Variants in TRIM65 observed in about 807,000 individuals in gnomAD.
TRIM65 encodes the protein tripartite motif containing 65.
A neutral mutation model predicts 36.1 loss-of-function variants in TRIM65; 46 were observed. The observed-to-expected ratio is 1.27, with a 90% CI of 1.01 to 1.63. TRIM65 has a LOEUF of 1.63. TRIM65 is among the 40% of genes most tolerant of loss of function. The pLI, the probability that TRIM65 is intolerant of heterozygous loss-of-function variation, is 0.00. For synonymous variants in TRIM65, 346 were observed against 313.6 expected (o/e 1.10, Z -1.09); for missense variants, 708 against 696.6 (o/e 1.02, Z -0.18).
rs2065278810 is a variant in TRIM65 at position 75,892,193 on chromosome 17, C to T, written c.745-8G>A. On this transcript the variant is annotated splice_polypyrimidine_tract_variant and splice_region_variant and intron_variant, in intron 3 of 5. Coordinates refer to ENST00000269383, the MANE Select transcript of TRIM65 (RefSeq NM_173547.4). ...CTGGAGGAGCTGCGATTCCTGAGCC[C>T]CAGGGAGAACAAGTAAGCCTGGGCC... 1 of 1,574,946 alleles carries T rather than the reference C, an allele frequency of 6.3e-7. No individual in the cohort carries two copies. The highest frequency in any genetic ancestry group is 1.4e-5 in the African/African-American group (1 of 74,006).
intron 1 of TRIM65, among the ~76,000 whole-genome samples, chr17:75,894,067 T>C (rs1305172330): frequency 2.0e-5 from 3 of 152,200 alleles, no homozygotes; most frequent in Non-Finnish European, 4.4e-5. Flanking sequence ...ACCCTGGCCC[T>C]GTCACCAGCT....
Position 75,890,692 on chromosome 17 carries a change from G to A in TRIM65, c.*87C>T, listed in dbSNP as rs2065251454. The A allele has an allele frequency of 8.4e-7, 1 of 1,186,182 alleles. No homozygotes were observed. 73.5% of individuals were successfully genotyped at this position (1,186,182 alleles called of 1,614,324 possible). A position where few individuals can be genotyped will look rare whatever the true frequency, so the allele number is the denominator to read the frequency against. ...GAGTTAACAGAGAGGCCAACAGCTG[G>A]TCCTCCAGTCCCCAAGCTGAAGCTG... On this transcript the variant is annotated 3_prime_UTR_variant, in exon 6 of 6. Coordinates refer to ENST00000269383, the MANE Select transcript of TRIM65 (RefSeq NM_173547.4).
At chr17:75,888,417 A>G (rs1236256389), downstream of TRIM65, among the ~76,000 whole-genome samples, 1 of 151,944 alleles carries the variant, frequency 6.6e-6, no homozygotes, top group East Asian at 1.9e-4. Flanking sequence ...CTCGCAGAAT[A>G]TAGAAAGAAC....
downstream of TRIM65, among the ~76,000 whole-genome samples, chr17:75,886,525 A>C (rs911978411): frequency 1.3e-5 from 2 of 150,024 alleles, no homozygotes; most frequent in Non-Finnish European, 3.0e-5. Flanking sequence ...CCGTTTCAAA[A>C]AAAAAAAAAA....
At position 75,891,880 on chromosome 17, in the gene TRIM65, T is replaced by C. The variant is rs775943651; in HGVS notation, c.920-2A>G. ...CCGGTGCCAGGGGACCTGGGGCCTCTAGGGGGCAAAGCAGTGTTAAGGGAA... is the reference window on the plus strand; with the variant it reads ...CCGGTGCCAGGGGACCTGGGGCCTCCAGGGGGCAAAGCAGTGTTAAGGGAA... On this transcript the variant is annotated splice_acceptor_variant, in intron 4 of 5. Transcript: ENST00000269383. LOFTEE classifies it high-confidence loss of function. 1.9e-5 allele frequency: 31 copies of C among 1,610,906 alleles called. No homozygotes were observed. The highest frequency in any genetic ancestry group is 2.6e-5 in the Non-Finnish European group (31 of 1,178,604).
At chr17:75,895,751 CGCCT>C (rs1296917872) in intron 1 of TRIM65, among the ~76,000 whole-genome samples, 217 of 152,324 alleles carry the variant, frequency 1.4e-3, no homozygotes, top group African/African-American at 5.0e-3. Context: ...AATACATTCA[CGCCT>C]TACTGGAACA....
downstream of TRIM65, among the ~76,000 whole-genome samples, chr17:75,885,312 G>C (rs2065199208): frequency 6.6e-6 from 1 of 151,928 alleles, no homozygotes; most frequent in African/African-American, 2.4e-5. Flanking sequence ...TTAAAGAAAG[G>C]GTCTTGTTCT....
At chr17:75,883,526 GTT>G (rs58142876) in intron 4 of TRIM65, among the ~76,000 whole-genome samples, 7 of 118,338 alleles carry the variant, frequency 5.9e-5, no homozygotes, top group Non-Finnish European at 9.5e-5. Flanking sequence ...CTCTGAACAA[GTT>G]TTTTTTTTTT....
chr17:75,882,042 G>A (rs2065172345), intron 4 of TRIM65, among the ~76,000 whole-genome samples: 1 of 150,368 alleles, frequency 6.7e-6, no homozygotes, highest in Non-Finnish European at 1.5e-5. Flanking sequence ...GGTTTGGTGA[G>A]GCCACAAACC....
chr17:75,892,877 A>G (rs1293521879), intron 1 of TRIM65, 27 bp from the exon 2 acceptor site: 2 of 1,592,602 alleles, frequency 1.3e-6, no homozygotes, highest in African/African-American at 1.3e-5. Flanking sequence ...CGGGACAAGC[A>G]ACAAGAGAAG....
rs376683226 is a variant in TRIM65 at position 75,892,775 on chromosome 17, T to C, written c.490A>G (p.Lys164Glu). 1.9e-6 allele frequency: 3 copies of C among 1,604,432 alleles called. No homozygotes were observed. Among genetic ancestry groups the C allele is most frequent in the South Asian group, 2.2e-5 (2 of 91,044 alleles). ...CGTACCTGGATCTGGCTGCTTTGCT[T>C]GCGCAGCTCTAGTAGCTGGCCTTCG... ...QAEGQLLELR[K>E]QSSQIQNSAC... is the part of the protein sequence containing the mutation. Residue 164 changes from lysine to glutamate, a missense_variant, in exon 2 of 6, where the codon AAG becomes GAG. Coordinates refer to ENST00000269383, the MANE Select transcript of TRIM65 (RefSeq NM_173547.4).
chr17:75,883,387 G>T (rs1005443990), intron 4 of TRIM65, among the ~76,000 whole-genome samples: 1 of 152,058 alleles, frequency 6.6e-6, no homozygotes, highest in African/African-American at 2.4e-5. Flanking sequence ...AAATTGCTGG[G>T]ACTACAGGCA....
At chr17:75,895,257 TC>T in intron 1 of TRIM65, among the ~76,000 whole-genome samples, 1 of 152,216 alleles carries the variant, frequency 6.6e-6, no homozygotes, top group Middle Eastern at 3.4e-3. Flanking sequence ...CATCTTGGTC[TC>T]CCTTCCCTGA....
In TRIM65 at chr17:75,892,116, G is replaced by A; in HGVS notation, c.814C>T (p.Gln272Ter). ...AGCAACTGCTTCAGGTCACCCAGCT[G>A]TTGGTCTTCATCCCACTGCAGAGGG... ...LTPLQWDEDQ[Q>*]LGDLKQLLSR... The change falls in exon 4 of 6, where the codon CAG becomes TAG. Residue 272 changes from glutamine (Q) to a stop codon, truncating the protein, a stop_gained. Transcript: ENST00000269383. LOFTEE classifies it high-confidence loss of function. 6.4e-7 allele frequency: 1 copy of A among 1,561,342 alleles called. No individual in the cohort carries two copies. The highest frequency in any genetic ancestry group is 1.2e-5 in the South Asian group (1 of 84,936).
downstream of TRIM65, among the ~76,000 whole-genome samples, chr17:75,884,714 G>A (rs1023590433): frequency 6.6e-6 from 1 of 152,144 alleles, no homozygotes; most frequent in African/African-American, 2.4e-5. Context: ...AACATCCCGG[G>A]CTCAGGTGAT....
intron 4 of TRIM65, among the ~76,000 whole-genome samples, chr17:75,882,573 A>C (rs56000661): frequency 0.42 from 63,562 of 149,962 alleles, 17,255 homozygotes; most frequent in African/African-American, 0.75. Flanking sequence ...GTATTAGTTC[A>C]CTTCAAAATG....
downstream of TRIM65, among the ~76,000 whole-genome samples, chr17:75,885,182 T>A (rs2065198365): frequency 6.6e-6 from 1 of 152,192 alleles, no homozygotes; most frequent in Admixed American, 6.5e-5. Context: ...TGCCTCGGCC[T>A]CCCAAAGTGC....
Position 75,892,035 on chromosome 17 carries a change from T to TG in TRIM65, c.894dup (p.Lys299GlnfsTer38). 6.4e-7 allele frequency: 1 copy of TG among 1,551,412 alleles called. No homozygotes were observed. The highest frequency in any genetic ancestry group is 8.7e-7 in the Non-Finnish European group (1 of 1,146,966). ...CCCACGGGGGCTAAGTCCACAGGCT[T>TG]GGCTGGTGCCCCAGGGTGGCTCCCC... is the stretch of plus-strand genomic sequence containing the variant. On this transcript the variant is annotated frameshift_variant, in exon 4 of 6. Transcript: ENST00000269383. LOFTEE classifies it high-confidence loss of function.
chr17:75,884,983 C>T (rs928813037), downstream of TRIM65, among the ~76,000 whole-genome samples: 6 of 146,144 alleles, frequency 4.1e-5, no homozygotes, highest in Admixed American at 7.0e-5. Context: ...GTGACCCAGG[C>T]GGGAGTGCAG....
Sources: allele counts gnomAD v4.1 joint callset (sites outside exome capture counted in the v4.1 genomes callset), GRCh38; gene constraint gnomAD v4.1.1; transcripts MANE v1.5; gene names NCBI Gene and HGNC (gene_info 2026-07-23, HGNC 2026-07-21).